GPC6: variants seen among roughly 807,000 people sequenced by gnomAD.
GPC6 encodes glypican 6, also known as glypican-6.
Under a neutral mutation model 55.2 loss-of-function variants are expected in GPC6, and 14 were observed. The observed-to-expected ratio is 0.25, with a 90% CI of 0.17 to 0.40. The LOEUF is 0.40. Among genes scored for constraint, GPC6 ranks in the 10% least tolerant of loss-of-function variants. GPC6 has a pLI of 1.00. For synonymous variants in GPC6, 278 were observed against 259.6 expected (o/e 1.07, Z -0.68); for missense variants, 641 against 708.5 (o/e 0.90, Z 1.08).
chr13:93,920,200 T>C (rs1476298801), intron 3 of GPC6, among the ~76,000 whole-genome samples: 1 of 152,126 alleles, frequency 6.6e-6, no homozygotes, highest in Admixed American at 6.6e-5. Context: ...AGTTATATCC[T>C]CATTCTTCAG....
chr13:93,435,008 T>C (rs374581601), intron 1 of GPC6, among the ~76,000 whole-genome samples: 94 of 152,304 alleles, frequency 6.2e-4, no homozygotes, highest in African/African-American at 1.9e-3. Flanking sequence ...CCCAGCCTCA[T>C]TGATAGGTTT....
intron 2 of GPC6, among the ~76,000 whole-genome samples, chr13:93,565,934 C>CA (rs35217779): frequency 0.61 from 81,267 of 134,148 alleles, 23,821 homozygotes; most frequent in Non-Finnish European, 0.67. Context: ...AACAAACAAA[C>CA]AAAAAAAAAA....
intron 6 of GPC6, among the ~76,000 whole-genome samples, chr13:94,342,845 G>A (rs963848241): frequency 1.3e-5 from 2 of 151,942 alleles, no homozygotes; most frequent in South Asian, 2.1e-4. Flanking sequence ...AGACTGTCTC[G>A]CCAGCTCCCC....
intron 1 of GPC6, among the ~76,000 whole-genome samples, chr13:93,307,282 C>A (rs1194364106): frequency 6.6e-6 from 1 of 152,028 alleles, no homozygotes; most frequent in East Asian, 1.9e-4. Flanking sequence ...TAAATCCTGC[C>A]TGTGAAAAGT....
chr13:94,376,484 A>G (rs1043070729), intron 6 of GPC6, among the ~76,000 whole-genome samples: 87 of 152,178 alleles, frequency 5.7e-4, no homozygotes, highest in African/African-American at 2.0e-3. Context: ...TAGGAATCCA[A>G]CTTACAAGGG....
intron 1 of GPC6, among the ~76,000 whole-genome samples, chr13:93,312,336 G>A (rs1349814913): frequency 6.6e-6 from 1 of 152,130 alleles, no homozygotes; most frequent in Non-Finnish European, 1.5e-5. Context: ...GTGCATTAAA[G>A]GGCCTTATTC....
intron 3 of GPC6, among the ~76,000 whole-genome samples, chr13:93,921,491 G>A (rs1342949269): frequency 6.6e-6 from 1 of 152,054 alleles, no homozygotes; most frequent in Non-Finnish European, 1.5e-5. Flanking sequence ...CTCTCAGCTG[G>A]ATGGATGGGG....
intron 6 of GPC6, among the ~76,000 whole-genome samples, chr13:94,319,145 T>C (rs1283347219): frequency 2.6e-5 from 4 of 152,112 alleles, no homozygotes; most frequent in Non-Finnish European, 1.5e-5. Flanking sequence ...TAGTCTTCTT[T>C]TTCTTCTTCT....
intron 1 of GPC6, among the ~76,000 whole-genome samples, chr13:93,228,599 T>G (rs1301235917): frequency 3.3e-5 from 5 of 152,158 alleles, no homozygotes; most frequent in Admixed American, 2.0e-4. Context: ...CGAGCTTCTC[T>G]GGGGCTCTGT....
chr13:93,789,598 C>CAT lies in GPC6; in HGVS notation c.320-40510_320-40509dup, dbSNP rs755185604. Among the ~76,000 whole-genome samples, 543 of 67,522 alleles carry CAT rather than the reference C, an allele frequency of 8.0e-3. 14 individuals carry two copies. Among genetic ancestry groups the CAT allele is most frequent in the Non-Finnish European group, 0.011 (367 of 34,898 alleles). 44.3% of individuals were successfully genotyped at this position (67,522 alleles called of 152,430 possible). ...TAAATACTATATATATATAATACTA[C>CAT]ATATATATATATATATATATATATA... On this transcript the variant is annotated intron_variant, in intron 2 of 8. Coordinates refer to ENST00000377047, the MANE Select transcript of GPC6 (RefSeq NM_005708.5).
chr13:93,351,141 A>T (rs572289642), intron 1 of GPC6, among the ~76,000 whole-genome samples: 29 of 152,296 alleles, frequency 1.9e-4, no homozygotes, highest in African/African-American at 6.7e-4. Flanking sequence ...TATTATGCTT[A>T]AAAAAATTTG....
intron 1 of GPC6, among the ~76,000 whole-genome samples, chr13:93,420,849 T>C (rs1329864227): frequency 6.6e-6 from 1 of 152,082 alleles, no homozygotes; most frequent in Non-Finnish European, 1.5e-5. Flanking sequence ...GAGTTTTGAC[T>C]AGTAGGAGGT....
At chr13:94,016,369 G>T (rs555478274) in intron 3 of GPC6, among the ~76,000 whole-genome samples, 1 of 152,292 alleles carries the variant, frequency 6.6e-6, no homozygotes, top group South Asian at 2.1e-4. Flanking sequence ...TGATCTGACA[G>T]GAGACGGAGC....
intron 4 of GPC6, among the ~76,000 whole-genome samples, chr13:94,243,354 G>T (rs1057351526): frequency 2.0e-5 from 3 of 152,146 alleles, no homozygotes; most frequent in East Asian, 1.9e-4. Context: ...ACAAGACTGA[G>T]ATGATGTCTT....
At chr13:94,260,467 T>G (rs1410580321) in intron 4 of GPC6, among the ~76,000 whole-genome samples, 1 of 152,304 alleles carries the variant, frequency 6.6e-6, no homozygotes, top group Middle Eastern at 3.4e-3. Flanking sequence ...GGATTATACT[T>G]GGCCATCTTC....
chr13:93,975,130 A>G (rs1020066334), intron 3 of GPC6, among the ~76,000 whole-genome samples: 26 of 152,160 alleles, frequency 1.7e-4, no homozygotes, highest in African/African-American at 6.0e-4. Flanking sequence ...CATTACTTTA[A>G]CAAGTCCACC....
intron 1 of GPC6, among the ~76,000 whole-genome samples, chr13:93,259,922 G>A (rs1445445075): frequency 6.6e-6 from 1 of 151,918 alleles, no homozygotes; most frequent in Non-Finnish European, 1.5e-5. Context: ...AACCTCAAAA[G>A]CACTAAGAGA....
At chr13:93,614,061 A>G (rs1482940578) in intron 2 of GPC6, among the ~76,000 whole-genome samples, 5 of 152,200 alleles carry the variant, frequency 3.3e-5, no homozygotes, top group Non-Finnish European at 7.3e-5. Flanking sequence ...CTCACTGTAC[A>G]TTTATGTTCA....
intron 6 of GPC6, among the ~76,000 whole-genome samples, chr13:94,319,409 G>T (rs757018586): frequency 6.6e-6 from 1 of 151,940 alleles, no homozygotes; most frequent in African/African-American, 2.4e-5. Flanking sequence ...GGATAATTTC[G>T]TTCTGTCTTA....
Sources: gnomAD v4.1 joint callset for allele counts (sites outside exome capture counted in the v4.1 genomes callset) on GRCh38, gnomAD v4.1.1 for gene constraint, MANE v1.5 for transcripts, NCBI Gene and HGNC (gene_info 2026-07-23, HGNC 2026-07-21) for gene names.